Variants in ZNF676 observed in about 807,000 individuals in gnomAD.
The protein encoded by ZNF676 is zinc finger protein 676.
In ZNF676, 4 loss-of-function variants were observed where a neutral mutation model predicts 6.0. That is an observed-to-expected ratio of 0.67 (90% confidence interval 0.33 to 1.53). The LOEUF (loss-of-function observed/expected upper bound fraction) is 1.53. ZNF676 is among the 40% of genes most tolerant of loss of function. The pLI is 0.06. For missense variants in ZNF676, 644 were observed against 679.7 expected (o/e 0.95, Z 0.58); for synonymous variants, 198 against 223.1 (o/e 0.89, Z 1.00).
chr19:22,233,179 A>T, the ZNF676 span, among the ~76,000 whole-genome samples: 1 of 152,140 alleles, frequency 6.6e-6, no homozygotes, highest in African/African-American at 2.4e-5. Context: ...TAATTGCAGC[A>T]TTGTTACAAA....
Position 22,196,853 on chromosome 19 carries a change from C to A in ZNF676, c.-220G>T. On this transcript the variant is annotated 5_prime_UTR_variant, in exon 1 of 3. It introduces an in-frame stop codon into an upstream open reading frame of the 5' UTR. Coordinates refer to ENST00000397121, the MANE Select transcript of ZNF676 (RefSeq NM_001001411.3). ...ACTTATATGAATGACTGAAATTATT[C>A]AATAAAATAGTTTTCAACACAGAAA... The A allele has an allele frequency of 1.1e-6, 1 of 898,134 alleles. No homozygotes were observed. Among genetic ancestry groups the A allele is most frequent in the South Asian group, 1.7e-5 (1 of 58,680 alleles). 55.6% of individuals were successfully genotyped at this position (898,134 alleles called of 1,614,324 possible).
At chr19:22,237,442 A>G in the ZNF676 span, among the ~76,000 whole-genome samples, 2 of 141,656 alleles carry the variant, frequency 1.4e-5, no homozygotes, top group East Asian at 4.1e-4. Context: ...CTGTTTATAT[A>G]AATTAGAAAA....
the ZNF676 span, among the ~76,000 whole-genome samples, chr19:22,228,111 T>C: frequency 6.6e-6 from 1 of 152,134 alleles, no homozygotes; most frequent in African/African-American, 2.4e-5. Flanking sequence ...CTCAATAAAA[T>C]ACTGGCAAAC....
the ZNF676 span, chr19:22,244,805 A>C: frequency 5.3e-5 from 8 of 152,352 alleles, no homozygotes; most frequent in African/African-American, 1.4e-4. Context: ...AGGGCTTATT[A>C]AGTAGCCTCT....
At chr19:22,216,768 C>T (rs9749392), upstream of ZNF676, among the ~76,000 whole-genome samples, 978 of 151,484 alleles carry the variant, frequency 6.5e-3, 8 homozygotes, top group African/African-American at 0.022. Flanking sequence ...GGATTACAGG[C>T]GCCCACCACC....
At chr19:22,233,263 C>T in the ZNF676 span, among the ~76,000 whole-genome samples, 2 of 152,178 alleles carry the variant, frequency 1.3e-5, no homozygotes, top group South Asian at 4.1e-4. Flanking sequence ...CCCATCGCTG[C>T]CTTCCAAACC....
the ZNF676 span, chr19:22,244,810 G>A: frequency 1.3e-5 from 2 of 152,206 alleles, no homozygotes; most frequent in Non-Finnish European, 2.9e-5. Context: ...TTATTAAGTA[G>A]CCTCTGATCC....
chr19:22,188,000 T>C (rs545342911), intron 2 of ZNF676, among the ~76,000 whole-genome samples: 52 of 152,222 alleles, frequency 3.4e-4, no homozygotes, highest in South Asian at 1.2e-3. Flanking sequence ...GACTCTTCCA[T>C]AACTCATTTT....
chr19:22,257,999 T>C, the ZNF676 span, among the ~76,000 whole-genome samples: 12 of 152,306 alleles, frequency 7.9e-5, no homozygotes, highest in East Asian at 2.3e-3. Flanking sequence ...GCAATCTCCA[T>C]TGTGGACAGG....
At chr19:22,241,616 G>A in the ZNF676 span, among the ~76,000 whole-genome samples, 37,954 of 151,120 alleles carry the variant, frequency 0.25, 5,294 homozygotes, top group South Asian at 0.43. Context: ...CTGTGAGGAC[G>A]GTCTCTCTAT....
the ZNF676 span, among the ~76,000 whole-genome samples, chr19:22,254,988 G>A: frequency 6.6e-6 from 1 of 152,228 alleles, no homozygotes; most frequent in Non-Finnish European, 1.5e-5. Flanking sequence ...GTAAGAATGA[G>A]ATTAACGATC....
chr19:22,243,027 GT>G, the ZNF676 span, among the ~76,000 whole-genome samples: 6 of 151,774 alleles, frequency 4.0e-5, no homozygotes, highest in East Asian at 1.2e-3. Flanking sequence ...CATGTCTGTG[GT>G]AAGCCCAGTA....
intron 1 of ZNF676, among the ~76,000 whole-genome samples, chr19:22,213,051 T>C (rs2024146593): frequency 6.6e-6 from 1 of 152,102 alleles, no homozygotes. Flanking sequence ...AATCATTTAA[T>C]CGTTTCAAGG....
chr19:22,244,007 CA>C, the ZNF676 span: 1 of 151,618 alleles, frequency 6.6e-6, no homozygotes, highest in African/African-American at 2.4e-5. Flanking sequence ...TTATGAAACA[CA>C]CCAAAGATTG....
intron 2 of ZNF676, 94 bp from the exon 3 acceptor site, chr19:22,181,680 A>G (rs2023755571): frequency 9.9e-7 from 1 of 1,008,530 alleles, no homozygotes; most frequent in Non-Finnish European, 1.4e-6. Context: ...CAAACTACAT[A>G]AGCAAGACGA....
At chr19:22,253,397 A>ACTGTGTG in the ZNF676 span, among the ~76,000 whole-genome samples, 1 of 40,314 alleles carries the variant, frequency 2.5e-5, no homozygotes, top group African/African-American at 7.7e-5. Flanking sequence ...TATATATATG[A>ACTGTGTG]TAATGTGTAT....
chr19:22,184,657 A>C (rs2023807418), intron 2 of ZNF676, among the ~76,000 whole-genome samples: 1 of 151,626 alleles, frequency 6.6e-6, no homozygotes, highest in Admixed American at 6.6e-5. Context: ...TCTAAGCTTG[A>C]CCTGGGAAGC....
chr19:22,185,676 A>G (rs1295455293), intron 2 of ZNF676, among the ~76,000 whole-genome samples: 4 of 152,204 alleles, frequency 2.6e-5, no homozygotes, highest in Admixed American at 2.0e-4. Flanking sequence ...ATCAGTTTAG[A>G]GAAGAACATA....
intron 2 of ZNF676, among the ~76,000 whole-genome samples, chr19:22,185,975 GA>G (rs2023832897): frequency 1.3e-5 from 2 of 152,286 alleles, no homozygotes; most frequent in East Asian, 3.9e-4. Context: ...TCATCCAGGA[GA>G]ATGTCCCCAA....
Sources: allele counts gnomAD v4.1 joint callset (sites outside exome capture counted in the v4.1 genomes callset), GRCh38; gene constraint gnomAD v4.1.1; transcripts MANE v1.5; gene names NCBI Gene and HGNC (gene_info 2026-07-23, HGNC 2026-07-21).